The following EFCAB5 variants were observed in gnomAD, a reference collection of about 807,000 sequenced individuals.
The protein encoded by EFCAB5 is EF-hand calcium binding domain 5, also known as EF-hand calcium-binding domain-containing protein 5.
Under a neutral mutation model 167.9 loss-of-function variants are expected in EFCAB5, and 131 were observed. That is an observed-to-expected ratio of 0.78 (90% CI 0.68 to 0.90). The LOEUF is 0.90. Among genes scored for constraint, EFCAB5 ranks in the 40% least tolerant of loss-of-function variants. EFCAB5 has a pLI of 0.00. For synonymous variants in EFCAB5, 574 were observed against 602.8 expected, an observed-to-expected ratio of 0.95 and a Z score of 0.70; for missense variants, 1,663 against 1,745.2, an observed-to-expected ratio of 0.95 and a Z score of 0.84.
chr17:30,056,827 C>T (rs2070281304), intron 12 of EFCAB5, among the ~76,000 whole-genome samples: 1 of 152,174 alleles, frequency 6.6e-6, no homozygotes, highest in Admixed American at 6.5e-5. Flanking sequence ...GGTGAAAATG[C>T]ATGGCATTGG....
intron 7 of EFCAB5, among the ~76,000 whole-genome samples, chr17:30,032,997 T>C (rs754654356): frequency 7.2e-5 from 11 of 152,190 alleles, no homozygotes; most frequent in Non-Finnish European, 1.3e-4. Context: ...TTTATGGCTA[T>C]GGAAGTGGGA....
In EFCAB5 at chr17:30,053,366, T is replaced by C. The variant is rs763522861; in HGVS notation, c.1412T>C (p.Leu471Ser). 1 of 1,614,026 alleles carries C rather than the reference T, an allele frequency of 6.2e-7. No individual in the cohort carries two copies. The highest frequency in any genetic ancestry group is 1.1e-5 in the South Asian group (1 of 91,086). ...AAAGTGCTCTTGGAGATGAATACATTACTTTCTGCAAATCATGCTAGCAAA... is the reference window on the plus strand; with the variant it reads ...AAAGTGCTCTTGGAGATGAATACATCACTTTCTGCAAATCATGCTAGCAAA... ...FDKVLLEMNT[L>S]LSANHASKTQ... The change falls in exon 10 of 23, where the codon TTA becomes TCA. Residue 471 changes from leucine to serine, a missense_variant. Leu to Ser is a moderately radical substitution (Grantham distance 145, BLOSUM62 -2). Transcript: ENST00000394835.
Position 30,094,651 on chromosome 17 carries a change from C to T in EFCAB5, c.4321+1715C>T, listed in dbSNP as rs529432996. Among the ~76,000 whole-genome samples the T allele has an allele frequency of 3.3e-5, 5 of 152,222 alleles. No individual in the cohort carries two copies. In the South Asian group the frequency reaches 1.0e-3, roughly 32 times the overall value. On this transcript the variant is annotated intron_variant, in intron 22 of 22. Coordinates refer to ENST00000394835, the MANE Select transcript of EFCAB5 (RefSeq NM_198529.4). ...GAAATGTGATCATGCCACTGCACTCCAGCCTGGGCAACAGAATGAGATCCT... is the reference window on the plus strand; with the variant it reads ...GAAATGTGATCATGCCACTGCACTCTAGCCTGGGCAACAGAATGAGATCCT...
rs1276053145 is a variant in EFCAB5 at position 30,079,632 on chromosome 17, A to G, written c.3028-440A>G. ...CAAAGTGTGTTAAGAGTTCCTCGAG[A>G]GCATTTTTTTTCACTTTCACATCAC... is the stretch of plus-strand genomic sequence containing the variant. On this transcript the variant is annotated intron_variant, in intron 15 of 22. Coordinates refer to ENST00000394835, the MANE Select transcript of EFCAB5 (RefSeq NM_198529.4). 2.6e-5 allele frequency among the ~76,000 whole-genome samples: 4 copies of G among 152,308 alleles called. No individual in the cohort carries two copies. In the East Asian group the frequency reaches 5.8e-4, roughly 22 times the overall value.
At chr17:30,067,471 A>G (rs2070605886) in intron 14 of EFCAB5, among the ~76,000 whole-genome samples, 1 of 151,958 alleles carries the variant, frequency 6.6e-6, no homozygotes, top group Non-Finnish European at 1.5e-5. Context: ...AATAATAATA[A>G]TAAGGAAATA....
At chr17:29,967,278 T>C (rs551942350) in intron 3 of EFCAB5, among the ~76,000 whole-genome samples, 3 of 152,218 alleles carry the variant, frequency 2.0e-5, no homozygotes, top group African/African-American at 7.2e-5. Context: ...TATAGTCTGA[T>C]GCCAGTGGGG....
chr17:29,991,445 G>T (rs2068416821), intron 4 of EFCAB5, among the ~76,000 whole-genome samples: 1 of 152,204 alleles, frequency 6.6e-6, no homozygotes, highest in African/African-American at 2.4e-5. Flanking sequence ...TGTTTCTATA[G>T]ATTATAGATT....
At chr17:29,951,764 C>T (rs1276683911) in intron 3 of EFCAB5, among the ~76,000 whole-genome samples, 2 of 152,056 alleles carry the variant, frequency 1.3e-5, no homozygotes, top group African/African-American at 4.8e-5. Context: ...CTGTTCCAGT[C>T]ACAAACAGTA....
intron 15 of EFCAB5, 150 bp downstream of exon 15, chr17:30,078,654 C>A: frequency 1.0e-6 from 1 of 999,918 alleles, no homozygotes; most frequent in Non-Finnish European, 1.4e-6. Flanking sequence ...TTACAAATGG[C>A]CCAAAGCCTA....
chr17:30,045,919 G>T (rs985777191), intron 8 of EFCAB5, among the ~76,000 whole-genome samples: 1 of 152,160 alleles, frequency 6.6e-6, no homozygotes, highest in South Asian at 2.1e-4. Context: ...CATGGTACCT[G>T]TAGTCCCAGC....
chr17:30,006,299 A>T (rs1430214850), intron 7 of EFCAB5, among the ~76,000 whole-genome samples: 1 of 152,200 alleles, frequency 6.6e-6, no homozygotes, highest in African/African-American at 2.4e-5. Flanking sequence ...AAAAAATTTT[A>T]AAATTTTATG....
At chr17:30,021,289 A>AT (rs1567719638) in intron 7 of EFCAB5, among the ~76,000 whole-genome samples, 2 of 149,196 alleles carry the variant, frequency 1.3e-5, no homozygotes, top group East Asian at 3.9e-4. Context: ...CCTTTACCCC[A>AT]TTTTCTCCTT....
intron 8 of EFCAB5, among the ~76,000 whole-genome samples, chr17:30,041,199 GAAGA>G (rs1326812901): frequency 2.0e-5 from 3 of 148,404 alleles, no homozygotes; most frequent in Admixed American, 1.3e-4. Flanking sequence ...AGGAAGGAAG[GAAGA>G]AAGGAAAGAA....
chr17:30,078,597 G>GA, intron 15 of EFCAB5, 93 bp downstream of exon 15: 1 of 1,373,106 alleles, frequency 7.3e-7, no homozygotes, highest in Non-Finnish European at 9.7e-7. Flanking sequence ...GAATTCTCTT[G>GA]AAAAATCACT....
At chr17:30,065,995 A>G (rs746669099) in intron 14 of EFCAB5, among the ~76,000 whole-genome samples, 5 of 152,230 alleles carry the variant, frequency 3.3e-5, no homozygotes, top group South Asian at 2.1e-4. Flanking sequence ...CTCTAATACA[A>G]TAGTAGTTGG....
chr17:29,987,510 G>A (rs1426502028), intron 4 of EFCAB5, among the ~76,000 whole-genome samples: 2 of 152,092 alleles, frequency 1.3e-5, no homozygotes, highest in African/African-American at 4.8e-5. Flanking sequence ...TTTGCAGCTG[G>A]TTTCTGTAGA....
intron 7 of EFCAB5, among the ~76,000 whole-genome samples, chr17:30,030,013 A>T (rs2069436918): frequency 6.6e-6 from 1 of 152,234 alleles, no homozygotes; most frequent in Non-Finnish European, 1.5e-5. Flanking sequence ...CATCTCACAG[A>T]GATATTAACT....
chr17:30,051,619 T>G (rs1410065276), intron 9 of EFCAB5, among the ~76,000 whole-genome samples: 1 of 152,162 alleles, frequency 6.6e-6, no homozygotes, highest in African/African-American at 2.4e-5. Context: ...TGCAGTGGCA[T>G]GATCATGACT....
intron 1 of EFCAB5, among the ~76,000 whole-genome samples, chr17:29,933,637 C>G (rs2067221266): frequency 6.6e-6 from 1 of 152,212 alleles, no homozygotes; most frequent in African/African-American, 2.4e-5. Context: ...GGTTGTACCA[C>G]TGGAGTCCAT....
Sources: gnomAD v4.1 joint callset for allele counts (sites outside exome capture counted in the v4.1 genomes callset) on GRCh38, gnomAD v4.1.1 for gene constraint, MANE v1.5 for transcripts, NCBI Gene and HGNC (gene_info 2026-07-23, HGNC 2026-07-21) for gene names.